Variants in DLG2 observed in about 807,000 individuals in gnomAD.
DLG2 encodes the protein discs large MAGUK scaffold protein 2, also known as disks large homolog 2.
In DLG2, 45 loss-of-function variants were observed where a neutral mutation model predicts 132.5. The ratio of observed to expected loss-of-function variants is 0.34; its 90% CI spans 0.27 to 0.44. DLG2 has a LOEUF of 0.44. Ranked by LOEUF, DLG2 falls within the 20% of genes least tolerant of loss-of-function variation. The probability of loss-of-function intolerance (pLI) is 1.00; values close to 1 mark genes in which losing one functional copy is unlikely to be tolerated. For synonymous variants in DLG2, 424 were observed against 419.6 expected, an observed-to-expected ratio of 1.01 and a Z score of -0.13; for missense variants, 1,045 against 1,196.9, an observed-to-expected ratio of 0.87 and a Z score of 1.87.
intron 6 of DLG2, among the ~76,000 whole-genome samples, chr11:84,962,416 C>T (rs1029507490): frequency 1.3e-5 from 2 of 152,052 alleles, no homozygotes; most frequent in Non-Finnish European, 2.9e-5. Context: ...AACCATATAC[C>T]AATTACTTAG....
intron 6 of DLG2, among the ~76,000 whole-genome samples, chr11:85,013,190 G>A (rs1287868896): frequency 6.6e-6 from 1 of 152,082 alleles, no homozygotes; most frequent in Non-Finnish European, 1.5e-5. Flanking sequence ...ACCTTTTATA[G>A]CACTTGTAGT....
At position 85,597,435 on chromosome 11, in the gene DLG2, G is replaced by A. The variant is rs549775798; in HGVS notation, c.40+1222C>T. On this transcript the variant is annotated intron_variant, in intron 3 of 27. Coordinates refer to ENST00000376104, the MANE Select transcript of DLG2 (RefSeq NM_001142699.3). The stretch of plus-strand genomic sequence containing the variant: ...AAATATTATCTTTGCTGAATATAAG[G>A]TTTATTCAAATTCTGTAGGACTCCA... 4.6e-5 allele frequency among the ~76,000 whole-genome samples: 7 copies of A among 151,888 alleles called. No individual in the cohort carries two copies. In the South Asian group the frequency reaches 1.5e-3, roughly 32 times the overall value.
At chr11:85,444,935 T>G (rs1471657217) in intron 3 of DLG2, among the ~76,000 whole-genome samples, 3 of 152,170 alleles carry the variant, frequency 2.0e-5, no homozygotes, top group Non-Finnish European at 2.9e-5. Context: ...ATTTATAACT[T>G]TGTTTACAAG....
At chr11:83,953,139 T>A (rs1011733604) in intron 14 of DLG2, among the ~76,000 whole-genome samples, 1 of 152,196 alleles carries the variant, frequency 6.6e-6, no homozygotes, top group Non-Finnish European at 1.5e-5. Context: ...ATTGATAGTG[T>A]CGTAAGAATG....
chr11:85,611,506 A>T (rs2080997705), intron 2 of DLG2, among the ~76,000 whole-genome samples: 1 of 152,218 alleles, frequency 6.6e-6, no homozygotes, highest in African/African-American at 2.4e-5. Context: ...AAGTCCACTT[A>T]GACTGATGGA....
chr11:84,129,605 T>C (rs2094329603), intron 9 of DLG2, among the ~76,000 whole-genome samples: 1 of 152,038 alleles, frequency 6.6e-6, no homozygotes, highest in South Asian at 2.1e-4. Flanking sequence ...AGAAAAGAAG[T>C]ATATAGTTGC....
In DLG2 at chr11:85,477,215, A is replaced by C. The variant is rs532742129; in HGVS notation, c.40+121442T>G. 2.6e-5 allele frequency among the ~76,000 whole-genome samples: 4 copies of C among 152,362 alleles called. No individual in the cohort carries two copies. In the South Asian group the frequency reaches 8.3e-4, roughly 32 times the overall value. On this transcript the variant is annotated intron_variant, in intron 3 of 27. Transcript: ENST00000376104. ...GTTGAACATCCTATTTAAAGACACA[A>C]ACAAGAAAAAATGCATGCATGTTTC...
At chr11:83,610,163 G>A (rs1403864217) in intron 19 of DLG2, among the ~76,000 whole-genome samples, 2 of 152,100 alleles carry the variant, frequency 1.3e-5, no homozygotes, top group African/African-American at 4.8e-5. Context: ...ACTATGCAGC[G>A]TCCCCAAGAC....
Position 83,562,336 on chromosome 11 carries a change from T to G in DLG2, c.1941-20478A>C, listed in dbSNP as rs1207452457. Among the ~76,000 whole-genome samples the G allele has an allele frequency of 3.3e-5, 5 of 152,180 alleles. No individual in the cohort carries two copies. The East Asian group carries it at 9.6e-4, about 29-fold the overall frequency. On this transcript the variant is annotated intron_variant, in intron 19 of 27. Transcript: ENST00000376104. ...TTGAACATGACACTAAGGGAGCATC[T>G]GTGGTGCACTGAGACTCACCCCTTG...
intron 15 of DLG2, among the ~76,000 whole-genome samples, chr11:83,907,829 A>G (rs987448268): frequency 6.6e-6 from 1 of 152,082 alleles, no homozygotes; most frequent in Non-Finnish European, 1.5e-5. Flanking sequence ...GTTCTAGTTT[A>G]TGGTTTTGGC....
intron 4 of DLG2, among the ~76,000 whole-genome samples, chr11:85,277,244 A>C (rs2077948676): frequency 6.6e-6 from 1 of 152,180 alleles, no homozygotes; most frequent in African/African-American, 2.4e-5. Context: ...CTGACTATGA[A>C]GACCAGTTAA....
chr11:84,179,653 G>A (rs2096065752), intron 8 of DLG2, among the ~76,000 whole-genome samples: 1 of 152,146 alleles, frequency 6.6e-6, no homozygotes, highest in Non-Finnish European at 1.5e-5. Flanking sequence ...AGAGGAAAAG[G>A]AATCATTCTG....
chr11:83,773,346 G>A (rs2094468989), intron 18 of DLG2, among the ~76,000 whole-genome samples: 2 of 152,142 alleles, frequency 1.3e-5, no homozygotes, highest in Admixed American at 6.5e-5. Flanking sequence ...ACATGAGAGC[G>A]CTTTGTAAAC....
Position 83,930,496 on chromosome 11 carries a change from G to A in DLG2, c.1341-13C>T, listed in dbSNP as rs775364327. On this transcript the variant is annotated splice_polypyrimidine_tract_variant and intron_variant, in intron 14 of 27. Transcript: ENST00000376104. Reference sequence around the variant, plus strand: ...AGGTTCCGGAGGCCTGGTGATACAAGAGGAAGAGAAAGATATGCATGGTTA... The same window carrying A: ...AGGTTCCGGAGGCCTGGTGATACAAAAGGAAGAGAAAGATATGCATGGTTA... The A allele has an allele frequency of 6.2e-7, 1 of 1,612,870 alleles. No homozygotes were observed. The highest frequency in any genetic ancestry group is 1.1e-5 in the South Asian group (1 of 90,792).
intron 6 of DLG2, among the ~76,000 whole-genome samples, chr11:85,014,142 T>C (rs1291171432): frequency 1.3e-5 from 2 of 152,292 alleles, no homozygotes; most frequent in Middle Eastern, 3.4e-3. Flanking sequence ...AGAGTTAGGC[T>C]TGGTTTATAC....
chr11:83,909,146 A>G (rs1201272143), intron 15 of DLG2, among the ~76,000 whole-genome samples: 1 of 152,190 alleles, frequency 6.6e-6, no homozygotes, highest in Non-Finnish European at 1.5e-5. Flanking sequence ...AAGAGATTTC[A>G]GTTTAGGTGC....
At chr11:84,218,377 G>A (rs1376967950) in intron 8 of DLG2, among the ~76,000 whole-genome samples, 1 of 96,248 alleles carries the variant, frequency 1.0e-5, no homozygotes, top group Admixed American at 9.7e-5. Flanking sequence ...AGGGAGAAAG[G>A]GAGGGAGGGA....
chr11:84,308,437 A>T (rs901410006), intron 7 of DLG2, among the ~76,000 whole-genome samples: 13 of 152,198 alleles, frequency 8.5e-5, no homozygotes, highest in African/African-American at 3.1e-4. Context: ...CCTTAGCTAG[A>T]CATAAAGGTT....
intron 6 of DLG2, among the ~76,000 whole-genome samples, chr11:84,971,074 G>A (rs1023435857): frequency 2.0e-5 from 3 of 152,194 alleles, no homozygotes; most frequent in East Asian, 3.8e-4. Flanking sequence ...AGACCTGAAA[G>A]ATGAACTGAT....
Sources: gnomAD v4.1 joint callset for allele counts (sites outside exome capture counted in the v4.1 genomes callset) on GRCh38, gnomAD v4.1.1 for gene constraint, MANE v1.5 for transcripts, NCBI Gene and HGNC (gene_info 2026-07-23, HGNC 2026-07-21) for gene names.